XKR6: variants seen among roughly 807,000 people sequenced by gnomAD.
XKR6 encodes XK related 6.
In XKR6, 22 loss-of-function variants were observed where a neutral mutation model predicts 56.7. The observed-to-expected ratio is 0.39, with a 90% CI of 0.28 to 0.55. The LOEUF (loss-of-function observed/expected upper bound fraction) is 0.55, where lower values mean the gene tolerates loss of function less well. Among genes scored for constraint, XKR6 ranks in the 20% least tolerant of loss-of-function variants. XKR6 has a pLI of 0.66. For synonymous variants in XKR6, 524 were observed against 387.8 expected (o/e 1.35, Z -4.13); for missense variants, 852 against 889.0 (o/e 0.96, Z 0.53).
At chr8:11,105,574 A>G (rs974086220) in intron 1 of XKR6, 1 of 152,246 alleles carries the variant, frequency 6.6e-6, no homozygotes, top group African/African-American at 2.4e-5. Context: ...ACTGGGTAGA[A>G]AAGTTGCAGA....
At chr8:10,988,271 C>G (rs952307427) in intron 1 of XKR6, among the ~76,000 whole-genome samples, 2 of 152,168 alleles carry the variant, frequency 1.3e-5, no homozygotes, top group African/African-American at 4.8e-5. Context: ...GTTACTGTTT[C>G]CCCTGCACCT....
intron 1 of XKR6, among the ~76,000 whole-genome samples, chr8:10,985,696 T>A (rs1307677890): frequency 6.6e-6 from 1 of 151,996 alleles, no homozygotes; most frequent in Non-Finnish European, 1.5e-5. Context: ...AGCCTTGAGA[T>A]CATGAATTGT....
chr8:11,139,488 T>C (rs1426445586), intron 1 of XKR6, among the ~76,000 whole-genome samples: 2 of 151,998 alleles, frequency 1.3e-5, no homozygotes, highest in Admixed American at 1.3e-4. Flanking sequence ...CAGCAGCTGC[T>C]ACTAGGAGGG....
chr8:10,996,377 A>T (rs1798113506), intron 1 of XKR6, among the ~76,000 whole-genome samples: 2 of 152,142 alleles, frequency 1.3e-5, no homozygotes, highest in African/African-American at 4.8e-5. Context: ...GCTCCCAGGT[A>T]ATTTGAGGGA....
At chr8:10,899,813 C>CT (rs959177987) in intron 2 of XKR6, among the ~76,000 whole-genome samples, 64 of 152,262 alleles carry the variant, frequency 4.2e-4, no homozygotes, top group African/African-American at 1.5e-3. Flanking sequence ...TTGAGTGTGC[C>CT]TAATCCCAAG....
rs185173100 is a variant in XKR6, at chr8:10,940,596, G to A, written c.765-15766C>T. ...GTCGGCACCTGCAGACGGCTGGTCC[G>A]GGAGCAGAGCTGGTTCAAAGCCACG... is the stretch of plus-strand genomic sequence containing the variant. On this transcript the variant is annotated intron_variant, in intron 1 of 2. Coordinates refer to ENST00000416569, the MANE Select transcript of XKR6 (RefSeq NM_173683.4). Among the ~76,000 whole-genome samples, 47 of 152,262 alleles carry A rather than the reference G, an allele frequency of 3.1e-4. 1 individual carries two copies. The East Asian group carries it at 4.1e-3, about 13-fold the overall frequency.
chr8:10,927,070 A>G (rs1800909466), intron 1 of XKR6, among the ~76,000 whole-genome samples: 1 of 152,182 alleles, frequency 6.6e-6, no homozygotes, highest in Non-Finnish European at 1.5e-5. Flanking sequence ...CCTGGAAGAG[A>G]TGATGGCAGC....
intron 1 of XKR6, chr8:11,111,573 A>G: frequency 6.6e-6 from 1 of 152,186 alleles, no homozygotes; most frequent in Non-Finnish European, 1.5e-5. Flanking sequence ...GACAGAAAAG[A>G]CAAGAATAGG....
intron 1 of XKR6, among the ~76,000 whole-genome samples, chr8:11,195,770 T>G (rs1470011255): frequency 6.6e-6 from 1 of 151,770 alleles, no homozygotes. Flanking sequence ...TGCCTCGGCC[T>G]CCTGAGTAGC....
rs532611991 is a variant in XKR6, at chr8:10,994,072, A to T, written c.765-69242T>A. On this transcript the variant is annotated intron_variant, in intron 1 of 2. Transcript: ENST00000416569. ...GCAGTCCCCTTGGCTGGGCCCCTGA[A>T]AGTCTTGCCACCCCCTGAACATGGT... Among the ~76,000 whole-genome samples, 50 of 152,224 alleles carry T rather than the reference A, an allele frequency of 3.3e-4. 1 individual carries two copies. The highest frequency in any genetic ancestry group is 1.2e-3 in the African/African-American group (49 of 41,538).
At chr8:11,100,255 C>T (rs1291299733) in intron 1 of XKR6, among the ~76,000 whole-genome samples, 1 of 152,038 alleles carries the variant, frequency 6.6e-6, no homozygotes. Context: ...GGTCTTGCCA[C>T]GTTGCCCAGG....
chr8:11,012,767 A>T (rs1159828201), intron 1 of XKR6, among the ~76,000 whole-genome samples: 1 of 152,162 alleles, frequency 6.6e-6, no homozygotes, highest in African/African-American at 2.4e-5. Context: ...GAAGTACACT[A>T]ACAGCTCATT....
Position 11,193,381 on chromosome 8 carries a change from T to C in XKR6, c.764+7195A>G, listed in dbSNP as rs552136213. Reference sequence around the variant, plus strand: ...TGTAAAATACCATAGGGTGCTGTAGTATGTTTTGAGCTATATTAAAATAAT... The same window carrying C: ...TGTAAAATACCATAGGGTGCTGTAGCATGTTTTGAGCTATATTAAAATAAT... On this transcript the variant is annotated intron_variant, in intron 1 of 2. Transcript: ENST00000416569. Among the ~76,000 whole-genome samples, 7 of 152,322 alleles carry C rather than the reference T, an allele frequency of 4.6e-5. No homozygotes were observed. In the South Asian group the frequency reaches 1.0e-3, roughly 23 times the overall value.
intron 1 of XKR6, among the ~76,000 whole-genome samples, chr8:10,946,707 A>C (rs7813668): frequency 0.38 from 57,108 of 151,944 alleles, 11,856 homozygotes; most frequent in African/African-American, 0.56. Context: ...CATGCCAGGC[A>C]CTGGGGTAGG....
At chr8:11,116,522 C>A (rs547438266) in intron 1 of XKR6, among the ~76,000 whole-genome samples, 2 of 152,224 alleles carry the variant, frequency 1.3e-5, no homozygotes, top group East Asian at 1.9e-4. Context: ...AGGGGCCCAT[C>A]GCCACACCTG....
intron 1 of XKR6, among the ~76,000 whole-genome samples, chr8:10,966,320 C>T (rs1215338248): frequency 6.6e-6 from 1 of 152,134 alleles, no homozygotes; most frequent in Non-Finnish European, 1.5e-5. Context: ...ACAGCCTTCC[C>T]ACTCAGAACA....
Position 10,913,522 on chromosome 8 carries a change from C to T in XKR6, c.961+11112G>A, listed in dbSNP as rs553863481. 9.2e-5 allele frequency among the ~76,000 whole-genome samples: 14 copies of T among 152,290 alleles called. No individual in the cohort carries two copies. In the East Asian group the frequency reaches 1.7e-3, roughly 19 times the overall value. On this transcript the variant is annotated intron_variant, in intron 2 of 2. Transcript: ENST00000416569. Reference sequence around the variant, plus strand: ...GAGGCCATATGCACCCCCCAGCCATCGCTGTTGGGTGCTTCCTTTCTGCCA... The same window carrying T: ...GAGGCCATATGCACCCCCCAGCCATTGCTGTTGGGTGCTTCCTTTCTGCCA...
At chr8:10,928,175 C>A (rs1002849609) in intron 1 of XKR6, among the ~76,000 whole-genome samples, 1 of 152,200 alleles carries the variant, frequency 6.6e-6, no homozygotes, top group Non-Finnish European at 1.5e-5. Flanking sequence ...AAGCCACTGC[C>A]GCCTCAGTCA....
intron 1 of XKR6, among the ~76,000 whole-genome samples, chr8:10,985,542 T>C (rs917676697): frequency 1.3e-5 from 2 of 149,778 alleles, no homozygotes; most frequent in African/African-American, 4.9e-5. Context: ...TCTTTCTTGC[T>C]CAAAAATTAC....
Sources: gnomAD v4.1 joint callset for allele counts (sites outside exome capture counted in the v4.1 genomes callset) on GRCh38, gnomAD v4.1.1 for gene constraint, MANE v1.5 for transcripts, NCBI Gene and HGNC (gene_info 2026-07-23, HGNC 2026-07-21) for gene names.